Variants in ADCY9 observed in about 807,000 individuals in gnomAD.
ADCY9 encodes the protein adenylate cyclase type 9.
ADCY9 carries 50 observed loss-of-function variants against 101.5 expected under a neutral mutation model. That is an observed-to-expected ratio of 0.49 (90% CI 0.39 to 0.62). The LOEUF (loss-of-function observed/expected upper bound fraction) is 0.62, where lower values mean the gene tolerates loss of function less well. Ranked by LOEUF, ADCY9 falls within the 20% of genes least tolerant of loss-of-function variation. ADCY9 has a pLI of 0.00. For missense variants in ADCY9, 1,662 were observed against 1,800.4 expected (o/e 0.92, Z 1.39); for synonymous variants, 905 against 769.3 (o/e 1.18, Z -2.92).
At chr16:4,042,408 C>T (rs1253103012) in intron 2 of ADCY9, among the ~76,000 whole-genome samples, 1 of 152,050 alleles carries the variant, frequency 6.6e-6, no homozygotes, top group Admixed American at 6.6e-5. Context: ...TGGCTTCTTC[C>T]CCGCCCCATT....
chr16:4,113,335 C>A (rs796407404), intron 2 of ADCY9, among the ~76,000 whole-genome samples: 1 of 152,070 alleles, frequency 6.6e-6, no homozygotes, highest in Non-Finnish European at 1.5e-5. Flanking sequence ...TCCACGTTTT[C>A]GCAAAAAGGG....
intron 3 of ADCY9, among the ~76,000 whole-genome samples, chr16:4,006,255 G>C (rs2056366572): frequency 6.6e-6 from 1 of 151,902 alleles, no homozygotes; most frequent in Non-Finnish European, 1.5e-5. Flanking sequence ...CAGTGCACAG[G>C]ACAGCCCCAC....
At chr16:4,045,412 T>C (rs569289093) in intron 2 of ADCY9, among the ~76,000 whole-genome samples, 11 of 151,634 alleles carry the variant, frequency 7.3e-5, no homozygotes, top group Admixed American at 1.3e-4. Context: ...CTGACTAACA[T>C]GGTGAAACCC....
intron 2 of ADCY9, among the ~76,000 whole-genome samples, chr16:4,094,780 T>C (rs1259985149): frequency 6.6e-6 from 1 of 152,116 alleles, no homozygotes; most frequent in Non-Finnish European, 1.5e-5. Flanking sequence ...AGCTTTCATG[T>C]GTGCTCATCA....
At chr16:3,983,562 GA>G in intron 6 of ADCY9, 122 bp from the exon 7 acceptor site, 1 of 816,598 alleles carries the variant, frequency 1.2e-6, no homozygotes, top group Non-Finnish European at 2.0e-6. Flanking sequence ...CACAGGGCAG[GA>G]AGGCTCTCGG....
At chr16:4,109,653 T>C (rs1158860159) in intron 2 of ADCY9, among the ~76,000 whole-genome samples, 7 of 151,578 alleles carry the variant, frequency 4.6e-5, no homozygotes, top group Admixed American at 4.6e-4. Flanking sequence ...TGCCAGTCGT[T>C]TGTTTAAATC....
chr16:4,088,937 G>A (rs1432998596), intron 2 of ADCY9, among the ~76,000 whole-genome samples: 4 of 151,776 alleles, frequency 2.6e-5, no homozygotes, highest in Non-Finnish European at 5.9e-5. Context: ...TCATCACCCC[G>A]AAAGGAAACC....
At chr16:4,079,755 A>G (rs944990275) in intron 2 of ADCY9, among the ~76,000 whole-genome samples, 6 of 152,140 alleles carry the variant, frequency 3.9e-5, no homozygotes, top group African/African-American at 1.2e-4. Context: ...ATTGATATAT[A>G]TTTGATTTTG....
intron 5 of ADCY9, among the ~76,000 whole-genome samples, chr16:3,955,948 C>T (rs1293269622): frequency 1.3e-5 from 2 of 152,112 alleles, no homozygotes; most frequent in African/African-American, 4.8e-5. Context: ...ACTGCAGCTT[C>T]ACCTCCTGCG....
At position 4,047,570 on chromosome 16, in the gene ADCY9, G is replaced by A. The variant is rs138933029; in HGVS notation, c.1694-40012C>T. On this transcript the variant is annotated intron_variant, in intron 2 of 10. Transcript: ENST00000294016. ...CTGTGTGAGCTGTTAGACGCACACTGGTATTCGTTCAAGATGGAAAACCAA... is the reference window on the plus strand; with the variant it reads ...CTGTGTGAGCTGTTAGACGCACACTAGTATTCGTTCAAGATGGAAAACCAA... 2.4e-4 allele frequency among the ~76,000 whole-genome samples: 36 copies of A among 152,132 alleles called. No individual in the cohort carries two copies. The East Asian group carries it at 6.6e-3, about 28-fold the overall frequency.
At chr16:4,040,943 G>A (rs898725280) in intron 2 of ADCY9, among the ~76,000 whole-genome samples, 14 of 152,112 alleles carry the variant, frequency 9.2e-5, no homozygotes, top group Non-Finnish European at 1.5e-4. Context: ...AGTAGACATG[G>A]GAGGGTGGAA....
At chr16:3,972,166 G>A (rs13338828) in intron 10 of ADCY9, among the ~76,000 whole-genome samples, 14,602 of 152,026 alleles carry the variant, frequency 0.096, 1,381 homozygotes, top group African/African-American at 0.24. Context: ...AGGAACAAAG[G>A]AGCCGATCCT....
intron 2 of ADCY9, among the ~76,000 whole-genome samples, chr16:4,109,777 C>G (rs780699724): frequency 2.6e-5 from 4 of 152,150 alleles, no homozygotes; most frequent in African/African-American, 7.2e-5. Flanking sequence ...GGGATTTACT[C>G]GACACCTCAT....
intron 2 of ADCY9, among the ~76,000 whole-genome samples, chr16:4,045,385 A>C (rs2056655484): frequency 1.3e-5 from 2 of 152,042 alleles, no homozygotes; most frequent in Non-Finnish European, 1.5e-5. Flanking sequence ...TCACAAGGTC[A>C]GGAGTTCGCG....
intron 2 of ADCY9, among the ~76,000 whole-genome samples, chr16:4,075,900 A>G (rs2056864206): frequency 6.6e-6 from 1 of 152,202 alleles, no homozygotes; most frequent in Admixed American, 6.5e-5. Context: ...GGAGAAACAG[A>G]TAAATTTTAA....
At chr16:4,038,513 C>T (rs1176282203) in intron 2 of ADCY9, among the ~76,000 whole-genome samples, 2 of 152,166 alleles carry the variant, frequency 1.3e-5, no homozygotes, top group Non-Finnish European at 2.9e-5. Context: ...CCAGAACTGC[C>T]TCCAGAACTG....
At chr16:4,106,113 G>A (rs928322782) in intron 2 of ADCY9, among the ~76,000 whole-genome samples, 2 of 152,150 alleles carry the variant, frequency 1.3e-5, no homozygotes, top group African/African-American at 4.8e-5. Context: ...AGGATGCCAG[G>A]AATTTTTTAC....
At chr16:3,954,636 G>A (rs978595022) in intron 5 of ADCY9, among the ~76,000 whole-genome samples, 1 of 152,166 alleles carries the variant, frequency 6.6e-6, no homozygotes, top group Non-Finnish European at 1.5e-5. Flanking sequence ...AAGCCAAGGG[G>A]GCCGGCTGAG....
Position 4,115,830 on chromosome 16 carries a change from G to A in ADCY9, c.-184C>T. The A allele has an allele frequency of 2.5e-6, 1 of 402,908 alleles. No individual in the cohort carries two copies. The allele number at this position is 402,908 out of a possible 1,614,324, so 25.0% of individuals were successfully genotyped here. On this transcript the variant is annotated 5_prime_UTR_variant, in exon 1 of 11. Coordinates refer to ENST00000294016, the MANE Select transcript of ADCY9 (RefSeq NM_001116.4). This position sits in a 1 kb window ranked among gnomAD's most constrained non-coding sequence, Gnocchi z 6.2. ...CCTCGCGCGCTCGCCTCCTCCAGCTGCGGCTCCGGAGGGAAGTTCAGACCT... is the reference window on the plus strand; with the variant it reads ...CCTCGCGCGCTCGCCTCCTCCAGCTACGGCTCCGGAGGGAAGTTCAGACCT...
Sources: allele counts gnomAD v4.1 joint callset (sites outside exome capture counted in the v4.1 genomes callset), GRCh38; gene constraint gnomAD v4.1.1; non-coding constraint Gnocchi (gnomAD v3.1); transcripts MANE v1.5; gene names NCBI Gene and HGNC (gene_info 2026-07-23, HGNC 2026-07-21).